The following THEMIS variants were observed in gnomAD, a reference collection of about 807,000 sequenced individuals.
The protein encoded by THEMIS is thymocyte selection associated.
In THEMIS, 37 loss-of-function variants were observed where a neutral mutation model predicts 52.6. The observed-to-expected ratio is 0.70, with a 90% CI of 0.54 to 0.93. The LOEUF (loss-of-function observed/expected upper bound fraction) is 0.93, where lower values mean the gene tolerates loss of function less well. Among genes scored for constraint, THEMIS ranks in the 40% least tolerant of loss-of-function variants. The pLI, the probability that THEMIS is intolerant of heterozygous loss-of-function variation, is 0.00. For missense variants in THEMIS, 808 were observed against 763.1 expected, an observed-to-expected ratio of 1.06 and a Z score of -0.69; for synonymous variants, 292 against 272.7, an observed-to-expected ratio of 1.07 and a Z score of -0.70.
chr6:127,722,310 C>T (rs1237469999), intron 4 of THEMIS, among the ~76,000 whole-genome samples: 2 of 151,952 alleles, frequency 1.3e-5, no homozygotes, highest in African/African-American at 4.8e-5. Context: ...TTGCCACACT[C>T]GCTCTTCCTT....
chr6:127,913,169 GCAT>G, intron 1 of THEMIS, among the ~76,000 whole-genome samples: 1 of 152,202 alleles, frequency 6.6e-6, no homozygotes, highest in African/African-American at 2.4e-5. Flanking sequence ...ATAGAGCAGA[GCAT>G]CAAGTAATCC....
chr6:127,917,574 C>T (rs1781553038), intron 1 of THEMIS, among the ~76,000 whole-genome samples: 1 of 152,196 alleles, frequency 6.6e-6, no homozygotes, highest in South Asian at 2.1e-4. Context: ...TACTTTTAAT[C>T]TATCTGCCCA....
chr6:127,884,793 G>T (rs1433006565), intron 1 of THEMIS, among the ~76,000 whole-genome samples: 2 of 152,134 alleles, frequency 1.3e-5, no homozygotes, highest in Admixed American at 6.6e-5. Context: ...CAAGATCAAG[G>T]TTCTGGTTGA....
intron 2 of THEMIS, among the ~76,000 whole-genome samples, chr6:127,852,510 A>G (rs1412412512): frequency 6.6e-6 from 1 of 151,576 alleles, no homozygotes; most frequent in Non-Finnish European, 1.5e-5. Flanking sequence ...AAAAGGATTG[A>G]GTCATACAAA....
chr6:127,904,986 G>A (rs111550760), upstream of THEMIS, among the ~76,000 whole-genome samples: 8 of 151,886 alleles, frequency 5.3e-5, no homozygotes. Context: ...CTATCTCTGT[G>A]TCTCTGCAGA....
intron 2 of THEMIS, among the ~76,000 whole-genome samples, chr6:127,833,653 A>C (rs1562288215): frequency 6.6e-6 from 1 of 152,198 alleles, no homozygotes; most frequent in Non-Finnish European, 1.5e-5. Context: ...CCATGGTGTG[A>C]GAAGAACAAT....
At chr6:127,766,909 T>C (rs543237264) in intron 4 of THEMIS, among the ~76,000 whole-genome samples, 1 of 152,258 alleles carries the variant, frequency 6.6e-6, no homozygotes, top group African/African-American at 2.4e-5. Flanking sequence ...ACTGTAGGCT[T>C]TATAAACACT....
chr6:127,703,037 T>G, the THEMIS span, among the ~76,000 whole-genome samples: 1 of 76,844 alleles, frequency 1.3e-5, no homozygotes, highest in African/African-American at 5.7e-5. Context: ...TAGAATGAGT[T>G]TTTTTTTTTT....
chr6:127,715,160 T>C (rs1774113564), intron 5 of THEMIS, among the ~76,000 whole-genome samples: 1 of 151,910 alleles, frequency 6.6e-6, no homozygotes, highest in South Asian at 2.1e-4. Flanking sequence ...ATAACATTTT[T>C]CTTTAGGGTG....
intron 3 of THEMIS, 98 bp from the exon 4 acceptor site, chr6:127,814,029 TAAAG>T (rs1317493438): frequency 1.3e-5 from 14 of 1,045,564 alleles, no homozygotes; most frequent in Non-Finnish European, 1.9e-5. Flanking sequence ...TTTTACAAAA[TAAAG>T]AACTCAGATG....
At chr6:127,839,730 G>T (rs796840138) in intron 2 of THEMIS, among the ~76,000 whole-genome samples, 44 of 151,916 alleles carry the variant, frequency 2.9e-4, no homozygotes, top group African/African-American at 1.1e-3. Context: ...TTACTTACTC[G>T]CAATTCTAGA....
intron 4 of THEMIS, among the ~76,000 whole-genome samples, chr6:127,754,613 G>A (rs1775758976): frequency 1.3e-5 from 2 of 152,184 alleles, no homozygotes; most frequent in South Asian, 2.1e-4. Flanking sequence ...GGTTTCACAG[G>A]GCAAACTTGG....
intron 4 of THEMIS, among the ~76,000 whole-genome samples, chr6:127,734,837 C>A (rs1774934134): frequency 8.0e-6 from 1 of 125,604 alleles, no homozygotes; most frequent in Non-Finnish European, 1.6e-5. Flanking sequence ...CCATTGCATT[C>A]CAGCCTGGGC....
downstream of THEMIS, among the ~76,000 whole-genome samples, chr6:127,705,780 TG>T (rs370425768): frequency 1.0e-3 from 156 of 152,264 alleles, no homozygotes; most frequent in African/African-American, 3.6e-3. Flanking sequence ...GGGACTCATT[TG>T]TTGTATCATA....
At chr6:127,812,358 T>A (rs554591423) in intron 4 of THEMIS, among the ~76,000 whole-genome samples, 1 of 152,186 alleles carries the variant, frequency 6.6e-6, no homozygotes, top group Non-Finnish European at 1.5e-5. Flanking sequence ...AAGCAGAATG[T>A]GGGCAGATGC....
At chr6:127,797,625 A>G (rs1214646185) in intron 4 of THEMIS, among the ~76,000 whole-genome samples, 1 of 152,208 alleles carries the variant, frequency 6.6e-6, no homozygotes, top group Non-Finnish European at 1.5e-5. Context: ...CAAATGGATC[A>G]CCTGAAGATC....
Position 127,841,459 on chromosome 6 carries a change from T to C in THEMIS, c.251-11525A>G, listed in dbSNP as rs9402000. ...AAAGACGGATGGTAAGGACAATGAG[T>C]GATGAGATAGATTTTAGAAGATGGA... On this transcript the variant is annotated intron_variant, in intron 2 of 5. Transcript: ENST00000368248. 0.036 allele frequency among the ~76,000 whole-genome samples: 5,466 copies of C among 151,856 alleles called. 762 individuals carry two copies. The East Asian group carries it at 0.42, about 12-fold the overall frequency.
At chr6:127,900,277 A>G (rs1236977312) in intron 1 of THEMIS, among the ~76,000 whole-genome samples, 1 of 151,956 alleles carries the variant, frequency 6.6e-6, no homozygotes, top group African/African-American at 2.4e-5. Flanking sequence ...CTGAGTTTCA[A>G]CATCAATTTT....
chr6:127,861,783 C>CAAAAAAAAAAAAAAAAAAAAAA, intron 1 of THEMIS, among the ~76,000 whole-genome samples: 1 of 95,698 alleles, frequency 1.0e-5, no homozygotes, highest in Non-Finnish European at 2.0e-5. Context: ...GACTCCATCT[C>CAAAAAAAAAAAAAAAAAAAAAA]AAAAAAAAAA....
Sources: gnomAD v4.1 joint callset for allele counts (sites outside exome capture counted in the v4.1 genomes callset) on GRCh38, gnomAD v4.1.1 for gene constraint, MANE v1.5 for transcripts, NCBI Gene and HGNC (gene_info 2026-07-23, HGNC 2026-07-21) for gene names.